The following CHMP2B variants were observed in gnomAD, a reference collection of about 807,000 sequenced individuals.
CHMP2B encodes the protein charged multivesicular body protein 2B, also known as VPS2 homolog B.
A neutral mutation model predicts 29.8 loss-of-function variants in CHMP2B; 22 were observed. The observed-to-expected ratio is 0.74, with a 90% confidence interval of 0.53 to 1.05. The LOEUF is 1.05. CHMP2B is among the 50% of genes least tolerant of loss of function. The pLI, the probability that CHMP2B is intolerant of heterozygous loss-of-function variation, is 0.00. For synonymous variants in CHMP2B, 78 were observed against 75.8 expected, an observed-to-expected ratio of 1.03 and a Z score of -0.15; for missense variants, 261 against 252.2, an observed-to-expected ratio of 1.03 and a Z score of -0.24.
In CHMP2B at chr3:87,249,971, G is replaced by T; in HGVS notation, c.418G>T (p.Glu140Ter). The change falls in exon 4 of 6, where the codon GAA becomes TAA. Residue 140 changes from glutamate to a stop codon, truncating the protein, a stop_gained. Transcript: ENST00000263780. LOFTEE classifies it high-confidence loss of function. ...KENMKMEMTE[E>*]MINDTLDDIF... is the part of the protein sequence containing the mutation. Reference sequence around the variant, plus strand: ...AAACATGAAAATGGAAATGACTGAAGAAATGAGTAAGTTTAATAAATTATA... The same window carrying T: ...AAACATGAAAATGGAAATGACTGAATAAATGAGTAAGTTTAATAAATTATA... 1 of 1,537,452 alleles carries T rather than the reference G, an allele frequency of 6.5e-7. No homozygotes were observed. Among genetic ancestry groups the T allele is most frequent in the South Asian group, 1.1e-5 (1 of 87,708 alleles).
At chr3:87,246,550 CATT>C (rs1362971542) in intron 3 of CHMP2B, among the ~76,000 whole-genome samples, 3 of 152,118 alleles carry the variant, frequency 2.0e-5, no homozygotes, top group Admixed American at 6.5e-5. Context: ...CTTCTTGTCT[CATT>C]ATATGTTCTG....
In CHMP2B at chr3:87,227,445, C is replaced by T; in HGVS notation, c.-78C>T. 2 of 1,571,484 alleles carry T rather than the reference C, an allele frequency of 1.3e-6. No individual in the cohort carries two copies. The highest frequency in any genetic ancestry group is 1.1e-5 in the South Asian group (1 of 90,168). On this transcript the variant is annotated 5_prime_UTR_variant, in exon 1 of 6. Coordinates refer to ENST00000263780, the MANE Select transcript of CHMP2B (RefSeq NM_014043.4). ...CCGCCACCCCGAACCCGCCAAGGTCCTGTCCTTTTCCTCCTGTCCTTTGCC... is the reference window on the plus strand; with the variant it reads ...CCGCCACCCCGAACCCGCCAAGGTCTTGTCCTTTTCCTCCTGTCCTTTGCC...
intron 2 of CHMP2B, among the ~76,000 whole-genome samples, chr3:87,243,822 G>A (rs1293561654): frequency 6.6e-6 from 1 of 151,750 alleles, no homozygotes; most frequent in African/African-American, 2.4e-5. Flanking sequence ...AGGATAAGAA[G>A]TGATGCCCTT....
intron 1 of CHMP2B, among the ~76,000 whole-genome samples, chr3:87,229,013 T>C (rs1385544787): frequency 6.6e-6 from 1 of 152,150 alleles, no homozygotes; most frequent in African/African-American, 2.4e-5. Flanking sequence ...TAGTTTTATA[T>C]AGTGAGAATT....
chr3:87,244,260 G>A (rs1706173361), intron 2 of CHMP2B, among the ~76,000 whole-genome samples: 1 of 151,292 alleles, frequency 6.6e-6, no homozygotes, highest in African/African-American at 2.4e-5. Context: ...TGGCCAGGAT[G>A]GTCTTGATTT....
intron 3 of CHMP2B, among the ~76,000 whole-genome samples, chr3:87,248,778 T>A (rs1316421692): frequency 6.6e-6 from 1 of 152,048 alleles, no homozygotes; most frequent in Non-Finnish European, 1.5e-5. Flanking sequence ...ATGGGGGGAA[T>A]GCAGTGTCAT....
intron 1 of CHMP2B, among the ~76,000 whole-genome samples, chr3:87,231,278 G>A (rs1047902078): frequency 2.0e-5 from 3 of 151,998 alleles, no homozygotes; most frequent in African/African-American, 7.2e-5. Context: ...TATCCTTTGA[G>A]GTATCCTCTT....
intron 1 of CHMP2B, among the ~76,000 whole-genome samples, chr3:87,232,429 G>A (rs1440438583): frequency 6.6e-6 from 1 of 152,080 alleles, no homozygotes; most frequent in African/African-American, 2.4e-5. Context: ...GATGCTATGT[G>A]TTCCTTTAGT....
chr3:87,231,253 CAG>C (rs1705905701), intron 1 of CHMP2B, among the ~76,000 whole-genome samples: 2 of 152,142 alleles, frequency 1.3e-5, no homozygotes, highest in African/African-American at 4.8e-5. Flanking sequence ...AGACCCCAAA[CAG>C]AACTCATCAT....
chr3:87,241,546 A>T (rs777583492), intron 2 of CHMP2B, among the ~76,000 whole-genome samples: 3 of 152,168 alleles, frequency 2.0e-5, no homozygotes, highest in Non-Finnish European at 2.9e-5. Flanking sequence ...TTTTATATAA[A>T]TGGAATCATA....
chr3:87,244,514 A>G (rs560305033), intron 2 of CHMP2B, among the ~76,000 whole-genome samples: 4 of 151,466 alleles, frequency 2.6e-5, no homozygotes, highest in African/African-American at 9.7e-5. Context: ...CAACTCACAA[A>G]TTTTTATGTT....
intron 3 of CHMP2B, among the ~76,000 whole-genome samples, chr3:87,248,159 G>A (rs1706250343): frequency 3.3e-5 from 5 of 151,780 alleles, no homozygotes; most frequent in South Asian, 2.1e-4. Flanking sequence ...TTAGCTGGGC[G>A]TGGTGGTGGG....
intron 1 of CHMP2B, among the ~76,000 whole-genome samples, chr3:87,234,374 TCTTAAGTCCAAGA>T (rs1575963201): frequency 6.6e-6 from 1 of 152,212 alleles, no homozygotes; most frequent in African/African-American, 2.4e-5. Context: ...ACCTTGTGTC[TCTTAAGTCCAAGA>T]CTTAAGTCTA....
chr3:87,238,728 C>T (rs1316188029), intron 1 of CHMP2B, among the ~76,000 whole-genome samples: 1 of 152,224 alleles, frequency 6.6e-6, no homozygotes, highest in Middle Eastern at 3.4e-3. Context: ...GTTATTTCCA[C>T]CTTTTGGCTA....
intron 3 of CHMP2B, among the ~76,000 whole-genome samples, chr3:87,249,205 G>A (rs1257908418): frequency 1.3e-5 from 2 of 152,052 alleles, no homozygotes; most frequent in African/African-American, 2.4e-5. Flanking sequence ...CATAAGAAAG[G>A]TATAGTAAAA....
intron 1 of CHMP2B, 163 bp from the exon 2 acceptor site, chr3:87,240,536 C>T: frequency 7.0e-6 from 4 of 570,150 alleles, no homozygotes; most frequent in Non-Finnish European, 1.3e-5. Flanking sequence ...TCTCGAACTC[C>T]TGACCTCAGG....
chr3:87,238,474 C>T (rs1046484460), intron 1 of CHMP2B, among the ~76,000 whole-genome samples: 4 of 152,178 alleles, frequency 2.6e-5, no homozygotes, highest in Admixed American at 6.5e-5. Flanking sequence ...ATTGTCTCTT[C>T]TCCCCAACCC....
Position 87,245,608 on chromosome 3 carries a change from C to A in CHMP2B, c.127-106C>A, listed in dbSNP as rs374095325. On this transcript the variant is annotated intron_variant, in intron 2 of 5. Transcript: ENST00000263780. ...AATAGCTTCTTCCCCTCTTCATGATCGGGGACAAAGGGTCTGTTATGTGTA... is the reference window on the plus strand; with the variant it reads ...AATAGCTTCTTCCCCTCTTCATGATAGGGGACAAAGGGTCTGTTATGTGTA... 120 of 904,988 alleles carry A rather than the reference C, an allele frequency of 1.3e-4. No individual in the cohort carries two copies. In the African/African-American group the frequency reaches 1.5e-3, roughly 12 times the overall value. 56.1% of individuals were successfully genotyped at this position (904,988 alleles called of 1,614,324 possible).
intron 1 of CHMP2B, among the ~76,000 whole-genome samples, chr3:87,229,127 T>G (rs941347100): frequency 1.3e-5 from 2 of 152,188 alleles, no homozygotes; most frequent in Non-Finnish European, 2.9e-5. Context: ...TTTAATCGCC[T>G]AATACCTGTC....
Sources: allele counts gnomAD v4.1 joint callset (sites outside exome capture counted in the v4.1 genomes callset), GRCh38; gene constraint gnomAD v4.1.1; transcripts MANE v1.5; gene names NCBI Gene and HGNC (gene_info 2026-07-23, HGNC 2026-07-21).